Variants in VWC2L observed in about 807,000 individuals in gnomAD.
VWC2L encodes the protein von Willebrand factor C domain containing 2 like, also known as von Willebrand factor C domain-containing protein 2-like.
In VWC2L, 10 loss-of-function variants were observed where a neutral mutation model predicts 21.6. The observed-to-expected ratio is 0.46, with a 90% confidence interval of 0.29 to 0.78. VWC2L has a LOEUF of 0.78. Ranked by LOEUF, VWC2L falls within the 30% of genes least tolerant of loss-of-function variation. The probability of loss-of-function intolerance (pLI) is 0.10; values close to 1 mark genes in which losing one functional copy is unlikely to be tolerated. For missense variants in VWC2L, 209 were observed against 277.1 expected (o/e 0.75, Z 1.74); for synonymous variants, 96 against 94.3 (o/e 1.02, Z -0.10).
At chr2:214,417,563 G>T (rs1702375624) in intron 2 of VWC2L, among the ~76,000 whole-genome samples, 1 of 152,134 alleles carries the variant, frequency 6.6e-6, no homozygotes, top group Non-Finnish European at 1.5e-5. Flanking sequence ...AGACGAAACT[G>T]CCAGAGCAAA....
chr2:214,539,985 GAAC>G (rs1269863164), intron 3 of VWC2L, among the ~76,000 whole-genome samples: 4 of 152,040 alleles, frequency 2.6e-5, no homozygotes, highest in African/African-American at 9.7e-5. Context: ...TTAGCTAAAG[GAAC>G]AACATATAAA....
At chr2:214,504,319 T>C (rs916928988) in intron 3 of VWC2L, among the ~76,000 whole-genome samples, 2 of 152,178 alleles carry the variant, frequency 1.3e-5, no homozygotes, top group African/African-American at 4.8e-5. Context: ...CATGCACTTA[T>C]TAAGGTGAAT....
chr2:214,451,315 G>T (rs201490612), intron 3 of VWC2L, among the ~76,000 whole-genome samples: 33,839 of 148,236 alleles, frequency 0.23, 5,026 homozygotes, highest in African/African-American at 0.39. Flanking sequence ...GTGTGGGGGG[G>T]GGGGGCAGTA....
intron 3 of VWC2L, among the ~76,000 whole-genome samples, chr2:214,556,064 T>C (rs1689868068): frequency 2.0e-5 from 3 of 152,098 alleles, no homozygotes; most frequent in African/African-American, 4.8e-5. Context: ...AGATCACCAA[T>C]GCAGAGAGTT....
chr2:214,480,864 CAAAAAAA>C (rs59720596), intron 3 of VWC2L, among the ~76,000 whole-genome samples: 5 of 71,760 alleles, frequency 7.0e-5, no homozygotes, highest in East Asian at 4.2e-4. Flanking sequence ...TATGCCAAGC[CAAAAAAA>C]AAAAAAAAAA....
At chr2:214,451,021 C>T (rs1702945372) in intron 3 of VWC2L, among the ~76,000 whole-genome samples, 2 of 152,098 alleles carry the variant, frequency 1.3e-5, no homozygotes, top group Admixed American at 1.3e-4. Context: ...TTGAACCACA[C>T]TCCATCAAAT....
chr2:214,467,611 C>G (rs1228857362), intron 3 of VWC2L, among the ~76,000 whole-genome samples: 1 of 152,116 alleles, frequency 6.6e-6, no homozygotes, highest in Admixed American at 6.5e-5. Flanking sequence ...TGCACTGTTA[C>G]TATACCTTGG....
intron 3 of VWC2L, among the ~76,000 whole-genome samples, chr2:214,532,495 G>A (rs1478073823): frequency 1.3e-5 from 2 of 152,014 alleles, no homozygotes; most frequent in East Asian, 1.9e-4. Flanking sequence ...TTAACAGTTC[G>A]ATATAATCCT....
At chr2:214,428,814 C>CA (rs11431112) in intron 2 of VWC2L, among the ~76,000 whole-genome samples, 29,496 of 97,976 alleles carry the variant, frequency 0.3, 4,331 homozygotes, top group Non-Finnish European at 0.38. Context: ...CAGACAGTGG[C>CA]AAAAAAAAAA....
chr2:214,576,466 G>A lies in VWC2L; in HGVS notation c.*646G>A, dbSNP rs1337395672. ...TGGGAACAAGTACTTTGTCCATTACGTGGGGGCTCACAATTTAATTCTTAC... is the reference window on the plus strand; with the variant it reads ...TGGGAACAAGTACTTTGTCCATTACATGGGGGCTCACAATTTAATTCTTAC... On this transcript the variant is annotated 3_prime_UTR_variant, in exon 4 of 4. Coordinates refer to ENST00000312504, the MANE Select transcript of VWC2L (RefSeq NM_001080500.4). 13 of 152,102 alleles carry A rather than the reference G, an allele frequency of 8.5e-5. No individual in the cohort carries two copies. The highest frequency in any genetic ancestry group is 2.1e-4 in the South Asian group (1 of 4,826). The allele number at this position is 152,102 out of a possible 1,614,324, so 9.4% of individuals were successfully genotyped here. A position where few individuals can be genotyped will look rare whatever the true frequency, so the allele number is the denominator to read the frequency against.
chr2:214,437,179 A>C (rs1163447278), intron 3 of VWC2L, among the ~76,000 whole-genome samples: 1 of 152,164 alleles, frequency 6.6e-6, no homozygotes, highest in Non-Finnish European at 1.5e-5. Flanking sequence ...ATAAGACCTT[A>C]GGTTTAAAGT....
intron 3 of VWC2L, among the ~76,000 whole-genome samples, chr2:214,465,110 A>G (rs1036376544): frequency 6.6e-6 from 1 of 152,054 alleles, no homozygotes; most frequent in Non-Finnish European, 1.5e-5. Flanking sequence ...GGACCCCAGG[A>G]ACTTACCTGG....
intron 3 of VWC2L, among the ~76,000 whole-genome samples, chr2:214,442,832 AT>A (rs1230128023): frequency 6.6e-6 from 1 of 152,198 alleles, no homozygotes; most frequent in Non-Finnish European, 1.5e-5. Flanking sequence ...ATGATTATTA[AT>A]GGGGAAATCT....
rs878961732 is a variant in VWC2L at position 214,576,267 on chromosome 2, A to C, written c.*447A>C. On this transcript the variant is annotated 3_prime_UTR_variant, in exon 4 of 4. Coordinates refer to ENST00000312504, the MANE Select transcript of VWC2L (RefSeq NM_001080500.4). ...AAGGGGCTAAATTTGACTGCACAGT[A>C]AAGTTTTGAGTTGTGTAAAAAAAAA... The C allele has an allele frequency of 6.6e-6, 1 of 152,160 alleles. No individual in the cohort carries two copies. Among genetic ancestry groups the C allele is most frequent in the African/African-American group, 2.4e-5 (1 of 41,388 alleles). 9.4% of individuals were successfully genotyped at this position (152,160 alleles called of 1,614,324 possible).
chr2:214,517,241 A>G (rs546224122), intron 3 of VWC2L, among the ~76,000 whole-genome samples: 5 of 152,320 alleles, frequency 3.3e-5, no homozygotes, highest in Admixed American at 2.6e-4. Flanking sequence ...CAGACTCTCA[A>G]GGTTTCCTTC....
At chr2:214,561,248 A>G (rs767413424) in intron 3 of VWC2L, among the ~76,000 whole-genome samples, 4 of 152,152 alleles carry the variant, frequency 2.6e-5, no homozygotes, top group Non-Finnish European at 2.9e-5. Context: ...TCAAGCACCC[A>G]CCCTTTGAAA....
At chr2:214,538,395 TATC>T (rs1338259979) in intron 3 of VWC2L, among the ~76,000 whole-genome samples, 1 of 152,060 alleles carries the variant, frequency 6.6e-6, no homozygotes, top group Non-Finnish European at 1.5e-5. Context: ...AAATGAATAT[TATC>T]ATGTTACAAA....
intron 3 of VWC2L, among the ~76,000 whole-genome samples, chr2:214,447,853 G>A (rs1702863140): frequency 6.6e-6 from 1 of 151,942 alleles, no homozygotes; most frequent in Admixed American, 6.6e-5. Context: ...ATGCTGGGTG[G>A]TCCTGAAAAG....
intron 3 of VWC2L, among the ~76,000 whole-genome samples, chr2:214,461,165 T>C (rs1390874463): frequency 1.3e-5 from 2 of 152,158 alleles, no homozygotes; most frequent in African/African-American, 2.4e-5. Flanking sequence ...GGACAAATGT[T>C]CCTGTCCTTG....
Sources: gnomAD v4.1 joint callset for allele counts (sites outside exome capture counted in the v4.1 genomes callset) on GRCh38, gnomAD v4.1.1 for gene constraint, MANE v1.5 for transcripts, NCBI Gene and HGNC (gene_info 2026-07-23, HGNC 2026-07-21) for gene names.